GRIP1: variants seen among roughly 807,000 people sequenced by gnomAD.
The protein encoded by GRIP1 is glutamate receptor interacting protein 1.
GRIP1 carries 45 observed loss-of-function variants against 129.9 expected under a neutral mutation model. The observed-to-expected ratio is 0.35, with a 90% CI of 0.27 to 0.44. The LOEUF (loss-of-function observed/expected upper bound fraction) is 0.44, where lower values mean the gene tolerates loss of function less well. GRIP1 is among the 20% of genes least tolerant of loss of function. The pLI is 1.00. For synonymous variants in GRIP1, 530 were observed against 520.8 expected, an observed-to-expected ratio of 1.02 and a Z score of -0.24; for missense variants, 1,196 against 1,396.8, an observed-to-expected ratio of 0.86 and a Z score of 2.29.
chr12:66,864,363 C>G (rs1215636529), intron 1 of GRIP1, among the ~76,000 whole-genome samples: 1 of 151,988 alleles, frequency 6.6e-6, no homozygotes, highest in Admixed American at 6.6e-5. Context: ...GAGATCTACA[C>G]TAGGTCGACA....
At chr12:66,799,269 CAAAT>C (rs149111282) in intron 1 of GRIP1, among the ~76,000 whole-genome samples, 5,221 of 152,024 alleles carry the variant, frequency 0.034, 218 homozygotes, top group African/African-American at 0.1. Flanking sequence ...TTCAACAAGA[CAAAT>C]ATACTATAGA....
At chr12:67,011,203 A>C (rs571557980) in intron 1 of GRIP1, among the ~76,000 whole-genome samples, 6 of 152,040 alleles carry the variant, frequency 3.9e-5, no homozygotes, top group Non-Finnish European at 7.4e-5. Flanking sequence ...CGGAGTTCCC[A>C]TCTCATAAAC....
chr12:66,601,584 T>A (rs1312353872), intron 1 of GRIP1, among the ~76,000 whole-genome samples: 1 of 152,316 alleles, frequency 6.6e-6, no homozygotes. Context: ...AATCGTCCTA[T>A]GCTAAACAAT....
intron 1 of GRIP1, among the ~76,000 whole-genome samples, chr12:66,946,608 C>G (rs1025628498): frequency 1.3e-5 from 2 of 151,774 alleles, no homozygotes; most frequent in East Asian, 3.9e-4. Context: ...ACACAGATTG[C>G]AGGGCCCCCT....
chr12:66,882,811 T>A (rs2040502713), intron 1 of GRIP1, among the ~76,000 whole-genome samples: 2 of 152,208 alleles, frequency 1.3e-5, no homozygotes, highest in South Asian at 4.1e-4. Flanking sequence ...ACAGTAGCCC[T>A]GTGGGCCAGA....
chr12:66,675,915 G>C (rs1012116024), intron 1 of GRIP1, among the ~76,000 whole-genome samples: 7 of 152,136 alleles, frequency 4.6e-5, no homozygotes, highest in African/African-American at 1.7e-4. Context: ...AAGGCAAAAT[G>C]ATTGAAACAG....
At chr12:66,646,682 A>G (rs2032396077) in intron 1 of GRIP1, among the ~76,000 whole-genome samples, 1 of 152,204 alleles carries the variant, frequency 6.6e-6, no homozygotes, top group Non-Finnish European at 1.5e-5. Context: ...GCAGTCCTCC[A>G]TTATCACATT....
chr12:67,047,592 C>G (rs1317440605), intron 1 of GRIP1, among the ~76,000 whole-genome samples: 2 of 152,152 alleles, frequency 1.3e-5, no homozygotes, highest in Admixed American at 1.3e-4. Context: ...ATAATGCCTG[C>G]ACAGTTTAGG....
At chr12:66,742,553 T>TA (rs1768341891) in intron 1 of GRIP1, among the ~76,000 whole-genome samples, 1 of 152,154 alleles carries the variant, frequency 6.6e-6, no homozygotes, top group Non-Finnish European at 1.5e-5. Flanking sequence ...AAGGAAGTGA[T>TA]AAACAGATTT....
chr12:66,523,868 G>A (rs1327872742), intron 5 of GRIP1, among the ~76,000 whole-genome samples: 1 of 152,052 alleles, frequency 6.6e-6, no homozygotes, highest in African/African-American at 2.4e-5. Context: ...AAAAAGGCAG[G>A]GGTTGCAATC....
chr12:66,925,151 G>A (rs1013099575), intron 1 of GRIP1, among the ~76,000 whole-genome samples: 1 of 152,168 alleles, frequency 6.6e-6, no homozygotes, highest in African/African-American at 2.4e-5. Flanking sequence ...ACAGGACTCT[G>A]CAGAGAAGTT....
intron 7 of GRIP1, among the ~76,000 whole-genome samples, chr12:66,503,377 A>G (rs1357124422): frequency 6.6e-6 from 1 of 152,124 alleles, no homozygotes. Flanking sequence ...GGGCACATGC[A>G]GGCAGCCCAC....
At chr12:66,486,492 T>TG (rs991472283) in intron 7 of GRIP1, among the ~76,000 whole-genome samples, 2 of 152,162 alleles carry the variant, frequency 1.3e-5, no homozygotes, top group Non-Finnish European at 2.9e-5. Context: ...AATTGAATCA[T>TG]GGGGGCAGTT....
intron 16 of GRIP1, among the ~76,000 whole-genome samples, chr12:66,395,379 A>G (rs2056749791): frequency 6.6e-6 from 1 of 152,230 alleles, no homozygotes; most frequent in South Asian, 2.1e-4. Context: ...CAAAATAGTC[A>G]GCTTTTACAG....
chr12:66,723,375 C>T (rs1388822117), intron 1 of GRIP1, among the ~76,000 whole-genome samples: 12 of 141,952 alleles, frequency 8.5e-5, no homozygotes, highest in South Asian at 2.3e-4. Context: ...TGCAGTGGTG[C>T]GATAGCAGCT....
chr12:67,000,450 C>T (rs2042535365), intron 1 of GRIP1, among the ~76,000 whole-genome samples: 1 of 152,170 alleles, frequency 6.6e-6, no homozygotes, highest in African/African-American at 2.4e-5. Context: ...ATGTGTCTAA[C>T]CAACAATTTC....
At chr12:66,890,826 CTG>C (rs1295546908) in intron 1 of GRIP1, among the ~76,000 whole-genome samples, 1 of 152,122 alleles carries the variant, frequency 6.6e-6, no homozygotes, top group Non-Finnish European at 1.5e-5. Context: ...AACAGGTGTG[CTG>C]TGTCTAGAAA....
intron 1 of GRIP1, among the ~76,000 whole-genome samples, chr12:66,906,147 C>T (rs908054019): frequency 6.6e-6 from 1 of 152,218 alleles, no homozygotes; most frequent in African/African-American, 2.4e-5. Context: ...TGCAATGGCT[C>T]ATACCTGTAA....
chr12:66,390,217 A>G (rs2056529267), intron 19 of GRIP1, among the ~76,000 whole-genome samples: 1 of 152,172 alleles, frequency 6.6e-6, no homozygotes, highest in Non-Finnish European at 1.5e-5. Context: ...ACATCAGACT[A>G]GCTGACTCCT....
Sources: allele counts gnomAD v4.1 joint callset (sites outside exome capture counted in the v4.1 genomes callset), GRCh38; gene constraint gnomAD v4.1.1; transcripts MANE v1.5; gene names NCBI Gene and HGNC (gene_info 2026-07-23, HGNC 2026-07-21).